The following ANKRD30B variants were observed in gnomAD, a reference collection of about 807,000 sequenced individuals.
ANKRD30B encodes ankyrin repeat domain 30B, also known as ankyrin repeat domain-containing protein 30B.
Under a neutral mutation model 202.2 loss-of-function variants are expected in ANKRD30B, and 144 were observed. That is an observed-to-expected ratio of 0.71 (90% CI 0.62 to 0.82). The LOEUF (loss-of-function observed/expected upper bound fraction) is 0.82. Ranked by LOEUF, ANKRD30B falls within the 40% of genes least tolerant of loss-of-function variation. The probability of loss-of-function intolerance (pLI) is 0.00; values close to 1 mark genes in which losing one functional copy is unlikely to be tolerated. For synonymous variants in ANKRD30B, 508 were observed against 561.3 expected (o/e 0.91, Z 1.34); for missense variants, 1,487 against 1,669.1 (o/e 0.89, Z 1.90).
intron 16 of ANKRD30B, among the ~76,000 whole-genome samples, chr18:14,795,695 A>G (rs1487668198): frequency 6.6e-6 from 1 of 152,212 alleles, no homozygotes; most frequent in African/African-American, 2.4e-5. Context: ...CTGCAATGAT[A>G]AGTAAATTGT....
At chr18:14,800,031 G>A (rs1969211371) in intron 22 of ANKRD30B, among the ~76,000 whole-genome samples, 1 of 151,802 alleles carries the variant, frequency 6.6e-6, no homozygotes, top group South Asian at 2.1e-4. Flanking sequence ...AGGAGTCGCA[G>A]ACGAGCCTGG....
At position 14,822,606 on chromosome 18, in the gene ANKRD30B, C is replaced by T. The variant is rs1372588064; in HGVS notation, c.2672C>T (p.Pro891Leu). The T allele has an allele frequency of 3.1e-5, 43 of 1,396,570 alleles. No individual in the cohort carries two copies. In the Admixed American group the frequency reaches 9.3e-4, roughly 30 times the overall value. 86.5% of individuals were successfully genotyped at this position (1,396,570 alleles called of 1,614,324 possible). ...ESPDKDGLLK[P>L]TCGMKISLPN... ...TATTGTGTTTCCAAACCCATTTAGC[C>T]TACCTGTGGAATGAAAATTTCTCTT... The change falls in exon 32 of 44, where the codon CCT (proline) becomes CTT (leucine). Residue 891 changes from proline to leucine, a missense_variant and splice_region_variant. Transcript: ENST00000690538.
the ANKRD30B span, among the ~76,000 whole-genome samples, chr18:14,898,430 C>T: frequency 6.6e-6 from 1 of 152,172 alleles, no homozygotes; most frequent in South Asian, 2.1e-4. Flanking sequence ...GATTCTAATG[C>T]CACAGCTAAT....
chr18:14,864,698 C>T, the ANKRD30B span, among the ~76,000 whole-genome samples: 1 of 150,924 alleles, frequency 6.6e-6, no homozygotes, highest in Non-Finnish European at 1.5e-5. Context: ...CTCCCAAAAA[C>T]ATTTCCCTCA....
At chr18:14,913,230 C>T in the ANKRD30B span, among the ~76,000 whole-genome samples, 2 of 152,180 alleles carry the variant, frequency 1.3e-5, no homozygotes, top group Admixed American at 6.5e-5. Flanking sequence ...CTTTTAGTTA[C>T]CCAGGGTTAG....
In ANKRD30B at chr18:14,779,969, T is replaced by A; in HGVS notation, c.1430T>A (p.Phe477Tyr). 2 of 1,602,470 alleles carry A rather than the reference T, an allele frequency of 1.2e-6. No individual in the cohort carries two copies. Among genetic ancestry groups the A allele is most frequent in the Non-Finnish European group, 1.7e-6 (2 of 1,170,926 alleles). Reference protein sequence around the residue: ...TINHKIEDQMFPSESKREEDE... With the variant: ...TINHKIEDQMYPSESKREEDE... Reference sequence around the variant, plus strand: ...TGATTAACATTTTTAGATCAGATGTTCCCATCAGAATCCAAACGAGAGGAA... The same window carrying A: ...TGATTAACATTTTTAGATCAGATGTACCCATCAGAATCCAAACGAGAGGAA... Residue 477 changes from phenylalanine to tyrosine, a missense_variant, in exon 11 of 44, where the codon TTC becomes TAC. This residue lies in a region of ANKRD30B where 889 missense variants were observed against 841.4 expected (regional missense o/e 1.06). Coordinates refer to ENST00000690538, the MANE Select transcript of ANKRD30B (RefSeq NM_001367607.2).
the ANKRD30B span, among the ~76,000 whole-genome samples, chr18:14,895,994 C>T: frequency 0.13 from 19,156 of 152,038 alleles, 1,442 homozygotes; most frequent in East Asian, 0.26. Context: ...CAAAGCAAAG[C>T]GTGGACCTTA....
At chr18:14,921,836 T>C in the ANKRD30B span, among the ~76,000 whole-genome samples, 1 of 152,186 alleles carries the variant, frequency 6.6e-6, no homozygotes, top group Non-Finnish European at 1.5e-5. Context: ...CGGTTCTCAG[T>C]AGTATTGTTT....
the ANKRD30B span, among the ~76,000 whole-genome samples, chr18:14,869,418 A>C: frequency 1.3e-5 from 2 of 151,690 alleles, no homozygotes; most frequent in African/African-American, 2.4e-5. Flanking sequence ...ATTCTGAAAA[A>C]TTTAGTCATT....
the ANKRD30B span, among the ~76,000 whole-genome samples, chr18:14,898,246 G>T: frequency 2.6e-5 from 4 of 151,956 alleles, no homozygotes; most frequent in African/African-American, 9.7e-5. Context: ...TTAATTCTGG[G>T]GTATGGTGTG....
At chr18:14,855,102 A>G (rs1972043154), downstream of ANKRD30B, among the ~76,000 whole-genome samples, 1 of 152,050 alleles carries the variant, frequency 6.6e-6, no homozygotes, top group Non-Finnish European at 1.5e-5. Flanking sequence ...GGGAGTGGTG[A>G]TGACTCTTAA....
intron 30 of ANKRD30B, among the ~76,000 whole-genome samples, chr18:14,821,687 G>T (rs1030617339): frequency 3.3e-5 from 5 of 152,262 alleles, no homozygotes; most frequent in African/African-American, 1.2e-4. Context: ...GGAACTCCTG[G>T]ACTCGAGAGA....
chr18:14,912,809 T>C, the ANKRD30B span, among the ~76,000 whole-genome samples: 1 of 152,250 alleles, frequency 6.6e-6, no homozygotes, highest in African/African-American at 2.4e-5. Context: ...TTGTTCTGTT[T>C]TGGATTTCTA....
At chr18:14,861,942 G>A in the ANKRD30B span, among the ~76,000 whole-genome samples, 16 of 151,934 alleles carry the variant, frequency 1.1e-4, no homozygotes, top group East Asian at 3.8e-4. Flanking sequence ...GTGTCTTCTC[G>A]GACCACTGTG....
the ANKRD30B span, among the ~76,000 whole-genome samples, chr18:14,919,518 A>C: frequency 2.0e-5 from 3 of 152,162 alleles, no homozygotes. Context: ...GAGGGACAAG[A>C]GATGCTTGTC....
At chr18:14,790,137 A>G (rs1475530631) in intron 15 of ANKRD30B, among the ~76,000 whole-genome samples, 3 of 152,068 alleles carry the variant, frequency 2.0e-5, no homozygotes, top group Non-Finnish European at 4.4e-5. Context: ...TAGATATTTC[A>G]TTCTCTTTGA....
chr18:14,796,148 C>T (rs1968871846), intron 16 of ANKRD30B, 73 bp from the exon 17 acceptor site: 11 of 1,411,158 alleles, frequency 7.8e-6, no homozygotes, highest in South Asian at 1.2e-5. Flanking sequence ...TCTTCATATT[C>T]ACATTGTACG....
the ANKRD30B span, among the ~76,000 whole-genome samples, chr18:14,859,969 G>A: frequency 2.4e-5 from 3 of 126,364 alleles, no homozygotes; most frequent in Non-Finnish European, 3.3e-5. Flanking sequence ...CAGATGGGGC[G>A]ACCGGGAAGA....
chr18:14,921,487 A>G, the ANKRD30B span, among the ~76,000 whole-genome samples: 1 of 152,124 alleles, frequency 6.6e-6, no homozygotes, highest in Non-Finnish European at 1.5e-5. Flanking sequence ...ACGAGGCCCC[A>G]CCCTGTCTGC....
Sources: allele counts gnomAD v4.1 joint callset (sites outside exome capture counted in the v4.1 genomes callset), GRCh38; gene constraint gnomAD v4.1.1; regional missense constraint gnomAD v4.1.1; transcripts MANE v1.5; gene names NCBI Gene and HGNC (gene_info 2026-07-23, HGNC 2026-07-21).